AKAP7: variants seen among roughly 807,000 people sequenced by gnomAD.
AKAP7 encodes A-kinase anchoring protein 7, also known as A kinase (PRKA) anchor protein 7.
In AKAP7, 39 loss-of-function variants were observed where a neutral mutation model predicts 39.5. The observed-to-expected ratio is 0.99, with a 90% CI of 0.76 to 1.29. AKAP7 has a LOEUF of 1.29. AKAP7 is among the 50% of genes most tolerant of loss of function. The pLI, the probability that AKAP7 is intolerant of heterozygous loss-of-function variation, is 0.00. For synonymous variants in AKAP7, 140 were observed against 139.1 expected (o/e 1.01, Z -0.05); for missense variants, 414 against 407.7 (o/e 1.02, Z -0.13).
chr6:131,136,308 GTTGTGAACTGAACT>G (rs1417434887), intron 1 of AKAP7, among the ~76,000 whole-genome samples: 1 of 152,176 alleles, frequency 6.6e-6, no homozygotes, highest in African/African-American at 2.4e-5. Flanking sequence ...GTCAGCGTTT[GTTGTGAACTGAACT>G]TTGTGATAGA....
chr6:131,162,137 C>T (rs1255316506), intron 3 of AKAP7, among the ~76,000 whole-genome samples: 2 of 152,064 alleles, frequency 1.3e-5, no homozygotes, highest in Non-Finnish European at 2.9e-5. Context: ...GGCTTCTTAC[C>T]CCTTCCGGAG....
intron 6 of AKAP7, among the ~76,000 whole-genome samples, chr6:131,213,874 G>A (rs899210430): frequency 3.9e-5 from 6 of 152,152 alleles, no homozygotes; most frequent in Admixed American, 1.3e-4. Context: ...GTGTTCTAGC[G>A]CTGTGCTTGT....
At chr6:131,201,400 A>G (rs1170484138) in intron 6 of AKAP7, among the ~76,000 whole-genome samples, 1 of 152,214 alleles carries the variant, frequency 6.6e-6, no homozygotes, top group Non-Finnish European at 1.5e-5. Context: ...ATTGCATTTT[A>G]TTTAGATTAG....
At chr6:131,230,868 A>G (rs1018355379) in intron 7 of AKAP7, among the ~76,000 whole-genome samples, 1 of 152,184 alleles carries the variant, frequency 6.6e-6, no homozygotes, top group Non-Finnish European at 1.5e-5. Flanking sequence ...TTGCTATAGT[A>G]TCAAAGAATA....
At chr6:131,176,358 T>C (rs1000861161) in intron 5 of AKAP7, among the ~76,000 whole-genome samples, 5 of 152,064 alleles carry the variant, frequency 3.3e-5, no homozygotes, top group African/African-American at 1.2e-4. Context: ...ATTAAGAAGA[T>C]ATTGAAAATT....
intron 7 of AKAP7, among the ~76,000 whole-genome samples, chr6:131,252,783 C>T (rs979529301): frequency 1.3e-5 from 2 of 152,090 alleles, no homozygotes; most frequent in African/African-American, 4.8e-5. Context: ...TCTTGCTGCT[C>T]GATTGTACCG....
upstream of AKAP7, among the ~76,000 whole-genome samples, chr6:131,135,220 A>C (rs1368238359): frequency 6.6e-6 from 1 of 152,228 alleles, no homozygotes; most frequent in Non-Finnish European, 1.5e-5. Flanking sequence ...TCCTAGTCCC[A>C]ATCTCGCCCT....
At chr6:131,147,493 C>T (rs1213120758) in intron 2 of AKAP7, among the ~76,000 whole-genome samples, 1 of 152,176 alleles carries the variant, frequency 6.6e-6, no homozygotes, top group African/African-American at 2.4e-5. Flanking sequence ...AGTTTCACGG[C>T]TGTTGGGGAA....
chr6:131,259,812 T>A (rs1396943760), intron 7 of AKAP7, among the ~76,000 whole-genome samples: 1 of 152,174 alleles, frequency 6.6e-6, no homozygotes, highest in Non-Finnish European at 1.5e-5. Flanking sequence ...TAAATTTTAT[T>A]TTAAGTTCTG....
intron 1 of AKAP7, among the ~76,000 whole-genome samples, chr6:131,143,570 A>G (rs1336631448): frequency 1.3e-5 from 2 of 152,102 alleles, no homozygotes; most frequent in African/African-American, 4.8e-5. Flanking sequence ...TTTGTTTGGA[A>G]ATTACCCAGC....
intron 5 of AKAP7, among the ~76,000 whole-genome samples, chr6:131,198,145 T>TC (rs1807146278): frequency 6.6e-6 from 1 of 152,164 alleles, no homozygotes; most frequent in African/African-American, 2.4e-5. Flanking sequence ...TTACATTATG[T>TC]CAGACATGCA....
intron 5 of AKAP7, among the ~76,000 whole-genome samples, chr6:131,180,536 G>A (rs979192470): frequency 2.6e-5 from 4 of 152,132 alleles, no homozygotes; most frequent in African/African-American, 9.7e-5. Context: ...TGTATTCTCT[G>A]TACCTTTCCT....
chr6:131,200,367 T>G (rs1282373155), intron 6 of AKAP7, among the ~76,000 whole-genome samples: 11 of 152,242 alleles, frequency 7.2e-5, no homozygotes, highest in Admixed American at 6.5e-4. Flanking sequence ...TCTGATGGCC[T>G]GCTCTCATAT....
chr6:131,195,615 T>TATA (rs1233454041), intron 5 of AKAP7, among the ~76,000 whole-genome samples: 3 of 152,216 alleles, frequency 2.0e-5, no homozygotes, highest in Non-Finnish European at 4.4e-5. Context: ...TAGCATTTCT[T>TATA]ATAGAACAGG....
chr6:131,250,500 T>C (rs1272992814), intron 7 of AKAP7: 5 of 1,612,326 alleles, frequency 3.1e-6, no homozygotes, highest in Admixed American at 1.7e-5. Context: ...GACTGTGCTA[T>C]AAACTGCAAT....
chr6:131,233,624 A>T (rs1262981751), intron 7 of AKAP7, among the ~76,000 whole-genome samples: 1 of 152,192 alleles, frequency 6.6e-6, no homozygotes, highest in Non-Finnish European at 1.5e-5. Flanking sequence ...TAGTCTAAGA[A>T]AATGTCCATT....
intron 2 of AKAP7, among the ~76,000 whole-genome samples, chr6:131,152,423 A>T (rs1801996564): frequency 6.6e-6 from 1 of 152,264 alleles, no homozygotes; most frequent in South Asian, 2.1e-4. Context: ...TATAATTTCA[A>T]AGTGAGAAAT....
chr6:131,245,313 C>T (rs541268186), intron 7 of AKAP7, among the ~76,000 whole-genome samples: 256 of 149,368 alleles, frequency 1.7e-3, no homozygotes, highest in Non-Finnish European at 3.0e-3. Flanking sequence ...TAGTGCAACT[C>T]GACTCACTGC....
At chr6:131,253,765 A>G (rs536836974) in intron 7 of AKAP7, among the ~76,000 whole-genome samples, 4 of 152,234 alleles carry the variant, frequency 2.6e-5, no homozygotes, top group African/African-American at 7.2e-5. Context: ...ACTTCCTGTA[A>G]TGACCTACAT....
Sources: gnomAD v4.1 joint callset for allele counts (sites outside exome capture counted in the v4.1 genomes callset) on GRCh38, gnomAD v4.1.1 for gene constraint, MANE v1.5 for transcripts, NCBI Gene and HGNC (gene_info 2026-07-23, HGNC 2026-07-21) for gene names.